The following RIMS1 variants were observed in gnomAD, a reference collection of about 807,000 sequenced individuals.
The protein encoded by RIMS1 is regulating synaptic membrane exocytosis 1, also known as regulating synaptic membrane exocytosis protein 1.
In RIMS1, 83 loss-of-function variants were observed where a neutral mutation model predicts 214.1. The observed-to-expected ratio is 0.39, with a 90% CI of 0.32 to 0.47. RIMS1 has a LOEUF of 0.47. Among genes scored for constraint, RIMS1 ranks in the 20% least tolerant of loss-of-function variants. The pLI is 0.99. For missense variants in RIMS1, 2,050 were observed against 2,161.8 expected, an observed-to-expected ratio of 0.95 and a Z score of 1.03; for synonymous variants, 793 against 786.8, an observed-to-expected ratio of 1.01 and a Z score of -0.13.
chr6:72,388,031 CA>C (rs1244818451), intron 29 of RIMS1, among the ~76,000 whole-genome samples: 1 of 152,182 alleles, frequency 6.6e-6, no homozygotes, highest in African/African-American at 2.4e-5. Context: ...TCACTATCAA[CA>C]GTTTATACCC....
Position 72,179,811 on chromosome 6 carries a change from C to A in RIMS1, c.708C>A (p.Ser236Arg), listed in dbSNP as rs774958376. 6.2e-7 allele frequency: 1 copy of A among 1,613,642 alleles called. No homozygotes were observed. The highest frequency in any genetic ancestry group is 1.1e-5 in the South Asian group (1 of 91,060). ...AASSQDAAPPSAPPDRSKGAE... is the reference protein window; with the variant it reads ...AASSQDAAPPRAPPDRSKGAE... ...CCTCCCAGGATGCTGCTCCTCCCAG[C>A]GCACCACCAGACAGGAGCAAAGGGG... Residue 236 changes from serine (S) to arginine (R), a missense_variant, in exon 5 of 34, where the codon AGC becomes AGA. This residue lies in a region of RIMS1 where 882 missense variants were observed against 828.9 expected (regional missense o/e 1.06). Transcript: ENST00000521978.
At chr6:72,032,331 G>A (rs897597038) in intron 2 of RIMS1, among the ~76,000 whole-genome samples, 1 of 152,176 alleles carries the variant, frequency 6.6e-6, no homozygotes, top group African/African-American at 2.4e-5. Context: ...GTTGTTTCAT[G>A]TGTGAATTTC....
intron 22 of RIMS1, among the ~76,000 whole-genome samples, chr6:72,269,693 C>T (rs770161668): frequency 3.3e-5 from 5 of 152,120 alleles, no homozygotes; most frequent in African/African-American, 1.2e-4. Flanking sequence ...TCAATTCCTT[C>T]GGAACAGGTC....
intron 6 of RIMS1, among the ~76,000 whole-genome samples, chr6:72,184,087 TATC>T: frequency 6.6e-6 from 1 of 152,348 alleles, no homozygotes; most frequent in Middle Eastern, 3.4e-3. Flanking sequence ...CTGTGATGCT[TATC>T]ATCTCCCTTT....
At chr6:72,351,859 A>G (rs1415668450) in intron 29 of RIMS1, among the ~76,000 whole-genome samples, 1 of 152,188 alleles carries the variant, frequency 6.6e-6, no homozygotes, top group Admixed American at 6.6e-5. Context: ...ATGTATATCT[A>G]TATAATTTTA....
chr6:71,984,064 A>G (rs1799196091), intron 2 of RIMS1, among the ~76,000 whole-genome samples: 1 of 152,162 alleles, frequency 6.6e-6, no homozygotes, highest in Non-Finnish European at 1.5e-5. Flanking sequence ...TTATTGATTG[A>G]TTTATGTATA....
intron 1 of RIMS1, among the ~76,000 whole-genome samples, chr6:71,895,143 A>G (rs1040638152): frequency 2.6e-5 from 4 of 152,226 alleles, no homozygotes; most frequent in Non-Finnish European, 5.9e-5. Flanking sequence ...AAACTAATGT[A>G]GTAATCTTGA....
intron 27 of RIMS1, among the ~76,000 whole-genome samples, chr6:72,309,722 T>C (rs1207996074): frequency 6.6e-6 from 1 of 152,112 alleles, no homozygotes; most frequent in Non-Finnish European, 1.5e-5. Flanking sequence ...AATAAAATTG[T>C]AATAACTAAA....
At chr6:72,370,269 T>C (rs919532728) in intron 29 of RIMS1, among the ~76,000 whole-genome samples, 8 of 152,170 alleles carry the variant, frequency 5.3e-5, no homozygotes, top group African/African-American at 1.9e-4. Flanking sequence ...ACAATTTAAG[T>C]AAGATTGTTA....
intron 12 of RIMS1, among the ~76,000 whole-genome samples, chr6:72,248,603 C>CA (rs1315191664): frequency 6.6e-6 from 1 of 152,094 alleles, no homozygotes; most frequent in Non-Finnish European, 1.5e-5. Context: ...TCACTATTGC[C>CA]TTATTATGTG....
intron 4 of RIMS1, among the ~76,000 whole-genome samples, chr6:72,129,877 G>T (rs1463827232): frequency 6.6e-6 from 1 of 152,162 alleles, no homozygotes; most frequent in East Asian, 1.9e-4. Flanking sequence ...TGGCCTGGTA[G>T]GTCACAGTGC....
chr6:71,969,080 T>A lies in RIMS1; in HGVS notation c.245+17T>A, dbSNP rs1795171462. The A allele has an allele frequency of 3.1e-6, 5 of 1,610,928 alleles. No homozygotes were observed. The highest frequency in any genetic ancestry group is 4.2e-6 in the Non-Finnish European group (5 of 1,177,236). On this transcript the variant is annotated intron_variant, in intron 2 of 33. Coordinates refer to ENST00000521978, the MANE Select transcript of RIMS1 (RefSeq NM_014989.7). ...ACCTTCACCGTGAGTATGGCATTGG[T>A]TTTATTGACTGAAAATGTCGTCTCT...
chr6:72,282,443 AG>A, intron 23 of RIMS1, among the ~76,000 whole-genome samples: 1 of 152,190 alleles, frequency 6.6e-6, no homozygotes, highest in East Asian at 1.9e-4. Flanking sequence ...AAAGTAAATA[AG>A]AACCTTAATG....
chr6:72,147,812 A>G (rs947587296), intron 4 of RIMS1, among the ~76,000 whole-genome samples: 2 of 152,210 alleles, frequency 1.3e-5, no homozygotes, highest in African/African-American at 2.4e-5. Flanking sequence ...TATATGGCCA[A>G]TACTTCTGGG....
chr6:71,957,169 G>A (rs937003824), intron 1 of RIMS1, among the ~76,000 whole-genome samples: 2 of 152,082 alleles, frequency 1.3e-5, no homozygotes, highest in African/African-American at 4.8e-5. Flanking sequence ...GAGTAATTAG[G>A]TCTCTGGAAT....
intron 4 of RIMS1, among the ~76,000 whole-genome samples, chr6:72,138,154 A>G (rs1280719164): frequency 6.6e-6 from 1 of 152,152 alleles, no homozygotes; most frequent in Non-Finnish European, 1.5e-5. Context: ...ACTTGTAGGG[A>G]TATCTATGAT....
At chr6:71,971,170 T>C (rs982097662) in intron 2 of RIMS1, among the ~76,000 whole-genome samples, 2 of 152,228 alleles carry the variant, frequency 1.3e-5, no homozygotes, top group Admixed American at 6.5e-5. Context: ...TAATGGGTTT[T>C]AATTAGAGGA....
chr6:72,377,502 A>G (rs1304536608), intron 29 of RIMS1, among the ~76,000 whole-genome samples: 1 of 152,116 alleles, frequency 6.6e-6, no homozygotes. Context: ...GGGACAGGGA[A>G]GGCTATATGC....
Position 71,887,110 on chromosome 6 carries a change from C to G in RIMS1, c.87C>G (p.Thr29=). 1 of 1,613,524 alleles carries G rather than the reference C, an allele frequency of 6.2e-7. No individual in the cohort carries two copies. The highest frequency in any genetic ancestry group is 1.1e-5 in the South Asian group (1 of 90,916). The stretch of plus-strand genomic sequence containing the variant: ...AGCTGCCCGACCTGAGCCACCTGAC[C>G]GAAGAGGAGAGGAACATTATCATGG... ...MQELPDLSHL[T]EEERNIIMAV... is the part of the protein sequence containing the mutation. The change falls in exon 1 of 34, where the codon ACC becomes ACG. Residue 29 remains threonine, a synonymous_variant. Coordinates refer to ENST00000521978, the MANE Select transcript of RIMS1 (RefSeq NM_014989.7).
Sources: allele counts gnomAD v4.1 joint callset (sites outside exome capture counted in the v4.1 genomes callset), GRCh38; gene constraint gnomAD v4.1.1; regional missense constraint gnomAD v4.1.1; transcripts MANE v1.5; gene names NCBI Gene and HGNC (gene_info 2026-07-23, HGNC 2026-07-21).